Variants in ASPRV1 observed in about 807,000 individuals in gnomAD.
ASPRV1 encodes aspartic peptidase retroviral like 1.
In ASPRV1, 7 loss-of-function variants were observed where a neutral mutation model predicts 11.0. The ratio of observed to expected loss-of-function variants is 0.64; its 90% confidence interval spans 0.36 to 1.20. The LOEUF is 1.20. ASPRV1 is among the 50% of genes most tolerant of loss of function. The probability of loss-of-function intolerance (pLI) is 0.02; values close to 1 mark genes in which losing one functional copy is unlikely to be tolerated. For synonymous variants in ASPRV1, 136 were observed against 138.4 expected (o/e 0.98, Z 0.12); for missense variants, 299 against 320.0 (o/e 0.93, Z 0.50).
At chr2:69,957,828 T>C (rs1232916918), downstream of ASPRV1, among the ~76,000 whole-genome samples, 1 of 152,160 alleles carries the variant, frequency 6.6e-6, no homozygotes, top group Admixed American at 6.5e-5. Flanking sequence ...TCTTCTCTGG[T>C]GATTATCATG....
chr2:69,934,465 C>T, the ASPRV1 span, among the ~76,000 whole-genome samples: 4 of 152,180 alleles, frequency 2.6e-5, no homozygotes, highest in East Asian at 5.8e-4. Flanking sequence ...CCTTCTCCCT[C>T]TCCCACTCCG....
In ASPRV1 at chr2:69,961,244, C is replaced by T. The variant is rs775826144; in HGVS notation, c.193G>A (p.Val65Ile). The change falls in exon 1 of 1, where the codon GTC (valine) becomes ATC (isoleucine). Residue 65 changes from valine (V) to isoleucine (I), a missense_variant. Physicochemically the swap from Val to Ile is conservative, Grantham distance 29. Coordinates refer to ENST00000320256, the MANE Select transcript of ASPRV1 (RefSeq NM_152792.4). ...TCCTGGGGACTGAGCCTATTGTAGA[C>T]ACCCAGGGCCTCTCCTCTGAGGGAC... Reference protein sequence around the residue: ...KESLRGEALGVYNRLSPQDQG... With the variant: ...KESLRGEALGIYNRLSPQDQG... 1.9e-6 allele frequency: 3 copies of T among 1,613,980 alleles called. No individual in the cohort carries two copies. The highest frequency in any genetic ancestry group is 2.5e-6 in the Non-Finnish European group (3 of 1,179,994).
the ASPRV1 span, chr2:70,034,956 G>C: frequency 6.6e-6 from 1 of 152,522 alleles, no homozygotes; most frequent in Non-Finnish European, 1.5e-5. Flanking sequence ...GCCAGAACCA[G>C]CACCTCCCAG....
chr2:69,961,091 C>T lies in ASPRV1; in HGVS notation c.346G>A (p.Gly116Arg). ...CTCACGGGCACTTTGCCAATCTTCC[C>T]CTTGAGATAGTAGCCCTTACCCATG... The part of the protein sequence containing the change: ...NSMGKGYYLK[G>R]KIGKVPVRFL... Residue 116 changes from glycine to arginine, a missense_variant, in exon 1 of 1, where the codon GGG (glycine) becomes AGG (arginine). Transcript: ENST00000320256. 6.2e-7 allele frequency: 1 copy of T among 1,613,898 alleles called. No homozygotes were observed. The highest frequency in any genetic ancestry group is 1.1e-5 in the South Asian group (1 of 91,060).
the ASPRV1 span, among the ~76,000 whole-genome samples, chr2:69,986,407 G>A: frequency 6.6e-6 from 1 of 152,216 alleles, no homozygotes; most frequent in Non-Finnish European, 1.5e-5. Flanking sequence ...AGTATGCCCA[G>A]AATGGAATCT....
the ASPRV1 span, among the ~76,000 whole-genome samples, chr2:69,937,595 G>A: frequency 6.6e-6 from 1 of 152,150 alleles, no homozygotes; most frequent in East Asian, 1.9e-4. Context: ...GAGTTTGATT[G>A]GTGTCAGTTT....
the ASPRV1 span, among the ~76,000 whole-genome samples, chr2:70,075,649 C>A: frequency 6.6e-6 from 1 of 152,010 alleles, no homozygotes; most frequent in South Asian, 2.1e-4. Context: ...GAGTTCAAGA[C>A]CAGCCTGAGG....
At chr2:69,988,596 T>C in the ASPRV1 span, 1 of 336,210 alleles carries the variant, frequency 3.0e-6, no homozygotes, top group East Asian at 7.8e-5. Context: ...GTTCTGAAGA[T>C]GAATGGTGTT....
At chr2:70,083,049 AAAC>A in the ASPRV1 span, among the ~76,000 whole-genome samples, 2 of 152,214 alleles carry the variant, frequency 1.3e-5, no homozygotes, top group Non-Finnish European at 2.9e-5. Context: ...CCATAAATGT[AAAC>A]ATCAGGGAAA....
chr2:69,981,559 G>GT, the ASPRV1 span, among the ~76,000 whole-genome samples: 2 of 152,162 alleles, frequency 1.3e-5, no homozygotes, highest in Non-Finnish European at 2.9e-5. Context: ...CTTTGTTGTT[G>GT]TTGTTTGTTT....
the ASPRV1 span, among the ~76,000 whole-genome samples, chr2:69,943,457 A>C: frequency 6.6e-6 from 1 of 152,110 alleles, no homozygotes; most frequent in Non-Finnish European, 1.5e-5. Context: ...GGGAAGGAGA[A>C]CATCCAGGGC....
At chr2:70,056,081 A>T in the ASPRV1 span, 1 of 152,188 alleles carries the variant, frequency 6.6e-6, no homozygotes, top group Non-Finnish European at 1.5e-5. Context: ...AAGTAAAATA[A>T]GCCCATCACA....
At chr2:69,992,046 T>C in the ASPRV1 span, among the ~76,000 whole-genome samples, 1 of 152,162 alleles carries the variant, frequency 6.6e-6, no homozygotes, top group Non-Finnish European at 1.5e-5. Context: ...CTATGGGGAA[T>C]GTGACAAGTG....
At chr2:70,006,695 C>T in the ASPRV1 span, among the ~76,000 whole-genome samples, 1 of 152,142 alleles carries the variant, frequency 6.6e-6, no homozygotes, top group African/African-American at 2.4e-5. Flanking sequence ...CATCAGCAGC[C>T]CCTCTGTTCT....
chr2:69,998,554 G>A, the ASPRV1 span, among the ~76,000 whole-genome samples: 2 of 151,796 alleles, frequency 1.3e-5, no homozygotes, highest in African/African-American at 2.4e-5. Flanking sequence ...GTGAAACCCC[G>A]TCTCTACTAA....
At chr2:70,047,364 C>T in the ASPRV1 span, among the ~76,000 whole-genome samples, 1 of 152,228 alleles carries the variant, frequency 6.6e-6, no homozygotes, top group Non-Finnish European at 1.5e-5. Flanking sequence ...CATCCCCTCA[C>T]TCACTTTGAC....
chr2:69,941,112 G>A, the ASPRV1 span: 2 of 152,068 alleles, frequency 1.3e-5, no homozygotes, highest in Non-Finnish European at 2.9e-5. Flanking sequence ...ATAAATATAG[G>A]CACATGCATA....
the ASPRV1 span, among the ~76,000 whole-genome samples, chr2:70,080,553 G>A: frequency 6.6e-6 from 1 of 152,088 alleles, no homozygotes. Flanking sequence ...ATAGGACAGA[G>A]AGTTATCAAT....
chr2:70,034,597 A>G, the ASPRV1 span, among the ~76,000 whole-genome samples: 1 of 151,902 alleles, frequency 6.6e-6, no homozygotes, highest in Non-Finnish European at 1.5e-5. Context: ...AAAGAAAATC[A>G]GATTTTATTT....
Sources: allele counts gnomAD v4.1 joint callset (sites outside exome capture counted in the v4.1 genomes callset), GRCh38; gene constraint gnomAD v4.1.1; transcripts MANE v1.5; gene names NCBI Gene and HGNC (gene_info 2026-07-23, HGNC 2026-07-21).